The following SLC24A2 variants were observed in gnomAD, a reference collection of about 807,000 sequenced individuals.
SLC24A2 encodes solute carrier family 24 member 2.
In SLC24A2, 36 loss-of-function variants were observed where a neutral mutation model predicts 62.0. The observed-to-expected ratio is 0.58, with a 90% CI of 0.44 to 0.77. The LOEUF is 0.77. SLC24A2 is among the 30% of genes least tolerant of loss of function. SLC24A2 has a pLI of 0.00. For missense variants in SLC24A2, 846 were observed against 817.9 expected, an observed-to-expected ratio of 1.03 and a Z score of -0.42; for synonymous variants, 358 against 294.0, an observed-to-expected ratio of 1.22 and a Z score of -2.23.
chr9:19,663,825 C>T (rs185535227), intron 2 of SLC24A2, among the ~76,000 whole-genome samples: 125 of 152,360 alleles, frequency 8.2e-4, no homozygotes, highest in Non-Finnish European at 1.6e-3. Flanking sequence ...CTGAGACCAA[C>T]TGCAAGACAC....
intron 9 of SLC24A2, among the ~76,000 whole-genome samples, chr9:19,525,121 A>C (rs1283215862): frequency 2.0e-5 from 3 of 152,222 alleles, no homozygotes; most frequent in Non-Finnish European, 4.4e-5. Context: ...TAATGACTCC[A>C]AGGCACAGAG....
At chr9:19,893,123 G>T in the SLC24A2 span, among the ~76,000 whole-genome samples, 1 of 152,202 alleles carries the variant, frequency 6.6e-6, no homozygotes, top group Non-Finnish European at 1.5e-5. Flanking sequence ...ATGTAAGAAA[G>T]TCTCTATGAA....
chr9:19,698,480 T>C (rs1158912842), intron 2 of SLC24A2, among the ~76,000 whole-genome samples: 4 of 152,196 alleles, frequency 2.6e-5, no homozygotes, highest in Admixed American at 1.3e-4. Context: ...TCAATCTGTA[T>C]AGCTGTGTCT....
chr9:19,969,147 G>C, the SLC24A2 span, among the ~76,000 whole-genome samples: 1 of 137,664 alleles, frequency 7.3e-6, no homozygotes, highest in South Asian at 2.5e-4. Context: ...GGAGGAAAAG[G>C]GAATTCCCTA....
At chr9:20,233,863 A>G in the SLC24A2 span, among the ~76,000 whole-genome samples, 2 of 152,158 alleles carry the variant, frequency 1.3e-5, no homozygotes, top group Non-Finnish European at 2.9e-5. Flanking sequence ...AGTGGCTGGT[A>G]CTGGTTGTCC....
intron 7 of SLC24A2, among the ~76,000 whole-genome samples, chr9:19,560,068 A>G (rs57475962): frequency 2.1e-3 from 326 of 152,268 alleles, no homozygotes; most frequent in African/African-American, 7.6e-3. Flanking sequence ...GCTGTGAGTC[A>G]CTTCCAAAGC....
chr9:19,643,191 A>G (rs1818552678), intron 2 of SLC24A2, among the ~76,000 whole-genome samples: 1 of 152,208 alleles, frequency 6.6e-6, no homozygotes, highest in East Asian at 1.9e-4. Flanking sequence ...CCATTTAAAA[A>G]TTATAAATAT....
At chr9:19,758,048 A>G (rs1386076751) in intron 2 of SLC24A2, among the ~76,000 whole-genome samples, 1 of 152,132 alleles carries the variant, frequency 6.6e-6, no homozygotes, top group African/African-American at 2.4e-5. Flanking sequence ...TAGAACCATG[A>G]GCTAAATAAA....
At chr9:19,874,163 T>G in the SLC24A2 span, among the ~76,000 whole-genome samples, 7 of 147,352 alleles carry the variant, frequency 4.8e-5, no homozygotes, top group Non-Finnish European at 1.0e-4. Context: ...CACTGCAACC[T>G]CTTTCTCCCA....
the SLC24A2 span, among the ~76,000 whole-genome samples, chr9:19,815,693 C>T: frequency 6.6e-6 from 1 of 152,082 alleles, no homozygotes; most frequent in Non-Finnish European, 1.5e-5. Context: ...GGAGATATAA[C>T]ACATTTTAAA....
At chr9:20,169,893 A>T in the SLC24A2 span, among the ~76,000 whole-genome samples, 1 of 152,050 alleles carries the variant, frequency 6.6e-6, no homozygotes, top group Non-Finnish European at 1.5e-5. Context: ...ACAAGGAGGC[A>T]CTAGAGAAAG....
At chr9:20,144,190 C>A in the SLC24A2 span, among the ~76,000 whole-genome samples, 2 of 152,198 alleles carry the variant, frequency 1.3e-5, no homozygotes, top group Non-Finnish European at 2.9e-5. Flanking sequence ...AAACCCAACT[C>A]TCTGAGGCTT....
chr9:19,553,951 C>T (rs900699267), intron 7 of SLC24A2, among the ~76,000 whole-genome samples: 4 of 152,136 alleles, frequency 2.6e-5, no homozygotes, highest in African/African-American at 9.7e-5. Context: ...CATGCCCCTT[C>T]CTTCTCCCCC....
At chr9:19,626,419 A>AT (rs543989406) in intron 2 of SLC24A2, among the ~76,000 whole-genome samples, 68 of 151,874 alleles carry the variant, frequency 4.5e-4, no homozygotes, top group South Asian at 3.8e-3. Flanking sequence ...TAACTAAGGG[A>AT]TTTTTTTTTG....
At chr9:19,805,280 A>T in the SLC24A2 span, among the ~76,000 whole-genome samples, 38 of 152,308 alleles carry the variant, frequency 2.5e-4, no homozygotes, top group African/African-American at 9.1e-4. Flanking sequence ...ACATTGAGGT[A>T]GTTAGTATAA....
At chr9:20,305,775 G>T in the SLC24A2 span, among the ~76,000 whole-genome samples, 10 of 152,162 alleles carry the variant, frequency 6.6e-5, no homozygotes, top group Non-Finnish European at 1.2e-4. Flanking sequence ...CGGCTGAATT[G>T]GTTTGCCAGG....
chr9:19,577,154 C>A (rs1480676779), intron 5 of SLC24A2, 132 bp from the exon 6 acceptor site: 1 of 766,788 alleles, frequency 1.3e-6, no homozygotes, highest in Non-Finnish European at 2.4e-6. Context: ...AACCCCAATG[C>A]ACCAGGACCT....
chr9:19,649,323 A>G (rs780758853), intron 2 of SLC24A2, among the ~76,000 whole-genome samples: 1 of 152,004 alleles, frequency 6.6e-6, no homozygotes, highest in Non-Finnish European at 1.5e-5. Flanking sequence ...ATATATGTTG[A>G]TCTGTAGCTT....
the SLC24A2 span, among the ~76,000 whole-genome samples, chr9:20,070,231 T>C: frequency 6.6e-6 from 1 of 152,126 alleles, no homozygotes; most frequent in African/African-American, 2.4e-5. Flanking sequence ...CTATGATTGT[T>C]ACCCAATCCT....
Sources: allele counts gnomAD v4.1 joint callset (sites outside exome capture counted in the v4.1 genomes callset), GRCh38; gene constraint gnomAD v4.1.1; transcripts MANE v1.5; gene names NCBI Gene and HGNC (gene_info 2026-07-23, HGNC 2026-07-21).